Variants in RYR2 observed in about 807,000 individuals in gnomAD.
RYR2 encodes the protein ryanodine receptor 2, also known as cardiac muscle ryanodine receptor-calcium release channel.
RYR2 carries 227 observed loss-of-function variants against 601.1 expected under a neutral mutation model. That is an observed-to-expected ratio of 0.38 (90% CI 0.34 to 0.42). The LOEUF (loss-of-function observed/expected upper bound fraction) is 0.42. Ranked by LOEUF, RYR2 falls within the 10% of genes least tolerant of loss-of-function variation. The pLI is 1.00. For missense variants in RYR2, 4,646 were observed against 6,156.5 expected, an observed-to-expected ratio of 0.75 and a Z score of 8.21; for synonymous variants, 2,223 against 2,175.1, an observed-to-expected ratio of 1.02 and a Z score of -0.61.
chr1:237,243,267 A>G (rs2149243101), intron 1 of RYR2, among the ~76,000 whole-genome samples: 1 of 152,244 alleles, frequency 6.6e-6, no homozygotes, highest in Non-Finnish European at 1.5e-5. Flanking sequence ...AGTCCCCACA[A>G]GCCCCCAGTA....
intron 6 of RYR2, among the ~76,000 whole-genome samples, chr1:237,372,792 G>C (rs1393944706): frequency 6.6e-6 from 1 of 152,122 alleles, no homozygotes; most frequent in Non-Finnish European, 1.5e-5. Context: ...GGGATATTTT[G>C]CATAATCAAG....
intron 2 of RYR2, 47 bp from the exon 3 acceptor site, chr1:237,330,831 G>A (rs897487209): frequency 1.4e-6 from 2 of 1,466,668 alleles, no homozygotes; most frequent in African/African-American, 1.4e-5. Flanking sequence ...GGGTCTGGAT[G>A]CTTGATGAAG....
intron 1 of RYR2, among the ~76,000 whole-genome samples, chr1:237,145,422 C>G (rs1355867539): frequency 6.6e-6 from 1 of 152,028 alleles, no homozygotes; most frequent in Non-Finnish European, 1.5e-5. Flanking sequence ...TGGGTTGTTC[C>G]TGGTTTGTGA....
chr1:237,764,103 A>G (rs1415993337), intron 84 of RYR2, among the ~76,000 whole-genome samples: 3 of 152,212 alleles, frequency 2.0e-5, no homozygotes, highest in South Asian at 2.1e-4. Flanking sequence ...AATGACGACA[A>G]TATGACCATA....
chr1:237,687,643 G>A, intron 63 of RYR2, 139 bp downstream of exon 63: 2 of 679,154 alleles, frequency 2.9e-6, no homozygotes, highest in Admixed American at 2.4e-5. Flanking sequence ...GCCAAGATAA[G>A]GTCCTCGAGG....
chr1:237,221,668 A>G (rs1186302941), intron 1 of RYR2, among the ~76,000 whole-genome samples: 1 of 152,210 alleles, frequency 6.6e-6, no homozygotes, highest in Non-Finnish European at 1.5e-5. Flanking sequence ...TCGGAAGTCA[A>G]GTTAGTAGCT....
At chr1:237,724,763 A>AGAGGACCG (rs1690062836) in intron 74 of RYR2, among the ~76,000 whole-genome samples, 4 of 58,568 alleles carry the variant, frequency 6.8e-5, no homozygotes, top group Non-Finnish European at 1.6e-4. Context: ...AAATGGCTAC[A>AGAGGACCG]TTTCTGACAG....
At chr1:237,603,110 A>G (rs1457400504) in intron 35 of RYR2, among the ~76,000 whole-genome samples, 1 of 152,208 alleles carries the variant, frequency 6.6e-6, no homozygotes, top group East Asian at 1.9e-4. Flanking sequence ...CGGCGGGAGT[A>G]ACTATGACTC....
chr1:237,322,650 C>G (rs1034813787), intron 2 of RYR2, among the ~76,000 whole-genome samples: 5 of 152,074 alleles, frequency 3.3e-5, no homozygotes, highest in African/African-American at 1.2e-4. Flanking sequence ...AATCTGTGGT[C>G]TACTGAGATC....
chr1:237,523,491 T>C (rs1422646087), intron 24 of RYR2, among the ~76,000 whole-genome samples: 4 of 152,146 alleles, frequency 2.6e-5, no homozygotes, highest in African/African-American at 9.7e-5. Context: ...TTCCAGCACT[T>C]TGGGAGGCTG....
In RYR2 at chr1:237,655,921, T is replaced by C. The variant is rs1186183587; in HGVS notation, c.8066T>C (p.Met2689Thr). Reference sequence around the variant, plus strand: ...ATGGAGTCAAATTATGTCAGTATGATGGAAAAACAGTCATCAATGGATTCT... The same window carrying C: ...ATGGAGTCAAATTATGTCAGTATGACGGAAAAACAGTCATCAATGGATTCT... ...DYMESNYVSM[M>T]EKQSSMDSEG... The change falls in exon 53 of 105, where the codon ATG (methionine) becomes ACG (threonine). Residue 2689 changes from methionine to threonine, a missense_variant. Transcript: ENST00000366574. 1 of 1,613,194 alleles carries C rather than the reference T, an allele frequency of 6.2e-7. No homozygotes were observed.
chr1:237,516,142 G>C (rs901278845), intron 24 of RYR2, among the ~76,000 whole-genome samples: 1 of 151,672 alleles, frequency 6.6e-6, no homozygotes, highest in African/African-American at 2.4e-5. Context: ...AAGGAGTCTC[G>C]CTCTGTTGCC....
chr1:237,056,537 T>C (rs1368780490), intron 1 of RYR2, among the ~76,000 whole-genome samples: 5 of 144,188 alleles, frequency 3.5e-5, no homozygotes, highest in Admixed American at 3.4e-4. Flanking sequence ...GCACTGCGTC[T>C]GTGAGGATTG....
chr1:237,123,545 C>T (rs1437628022), intron 1 of RYR2, among the ~76,000 whole-genome samples: 1 of 151,992 alleles, frequency 6.6e-6, no homozygotes, highest in Non-Finnish European at 1.5e-5. Flanking sequence ...TACGACTGTG[C>T]CACTGCGCTC....
At chr1:237,427,405 G>A (rs1422985922) in intron 12 of RYR2, among the ~76,000 whole-genome samples, 1 of 152,144 alleles carries the variant, frequency 6.6e-6, no homozygotes, top group Non-Finnish European at 1.5e-5. Flanking sequence ...ATTTGGGCAT[G>A]CAGCATAAAT....
intron 56 of RYR2, among the ~76,000 whole-genome samples, chr1:237,665,395 C>T (rs1290815829): frequency 2.0e-5 from 2 of 101,112 alleles, no homozygotes; most frequent in Admixed American, 2.3e-4. Flanking sequence ...GAGACTCTGT[C>T]TCAAAAAAAA....
At chr1:237,692,744 C>A (rs1400691708) in intron 63 of RYR2, among the ~76,000 whole-genome samples, 3 of 152,196 alleles carry the variant, frequency 2.0e-5, no homozygotes, top group Non-Finnish European at 2.9e-5. Context: ...ATCCTTCAGA[C>A]TTCAATCCAA....
chr1:237,750,085 G>T (rs1692417592), intron 80 of RYR2, among the ~76,000 whole-genome samples: 1 of 152,192 alleles, frequency 6.6e-6, no homozygotes, highest in Non-Finnish European at 1.5e-5. Context: ...GGCGGAGGTT[G>T]CAGTGAGCCA....
intron 29 of RYR2, among the ~76,000 whole-genome samples, chr1:237,577,575 A>AGATCGAT (rs1673408433): frequency 1.3e-5 from 2 of 151,126 alleles, no homozygotes; most frequent in Admixed American, 1.3e-4. Context: ...AGAAAGAGAG[A>AGATCGAT]GATCGATCTG....
Sources: allele counts gnomAD v4.1 joint callset (sites outside exome capture counted in the v4.1 genomes callset), GRCh38; gene constraint gnomAD v4.1.1; transcripts MANE v1.5; gene names NCBI Gene and HGNC (gene_info 2026-07-23, HGNC 2026-07-21).